The following COL22A1 variants were observed in gnomAD, a reference collection of about 807,000 sequenced individuals.
The protein encoded by COL22A1 is collagen alpha-1(XXII) chain.
A neutral mutation model predicts 248.9 loss-of-function variants in COL22A1; 221 were observed. The observed-to-expected ratio is 0.89, with a 90% CI of 0.80 to 0.99. The LOEUF (loss-of-function observed/expected upper bound fraction) is 0.99. COL22A1 is among the 50% of genes least tolerant of loss of function. COL22A1 has a pLI of 0.00. For missense variants in COL22A1, 2,240 were observed against 2,179.0 expected (o/e 1.03, Z -0.56); for synonymous variants, 891 against 793.4 (o/e 1.12, Z -2.07).
At chr8:138,598,131 T>C (rs75137399) in intron 61 of COL22A1, among the ~76,000 whole-genome samples, 109 of 152,336 alleles carry the variant, frequency 7.2e-4, no homozygotes, top group Non-Finnish European at 1.3e-3. Context: ...GCCTGTGTCA[T>C]GAGATTGTGT....
chr8:138,670,983 A>AG (rs1200948588), intron 41 of COL22A1, among the ~76,000 whole-genome samples: 1 of 148,264 alleles, frequency 6.7e-6, no homozygotes, highest in Admixed American at 6.7e-5. Context: ...AAAAAAAAAA[A>AG]AAAGCCACTG....
intron 41 of COL22A1, among the ~76,000 whole-genome samples, chr8:138,670,688 G>A (rs897753666): frequency 3.9e-5 from 6 of 152,064 alleles, no homozygotes; most frequent in Admixed American, 1.3e-4. Flanking sequence ...GGCTGGGCAC[G>A]GTGGCTCACG....
At chr8:138,901,010 T>G (rs1814511883) in intron 1 of COL22A1, among the ~76,000 whole-genome samples, 1 of 152,184 alleles carries the variant, frequency 6.6e-6, no homozygotes, top group Admixed American at 6.5e-5. Context: ...TTTTGTTGTT[T>G]TATAGTATTC....
intron 10 of COL22A1, among the ~76,000 whole-genome samples, chr8:138,804,941 T>C (rs1431083320): frequency 8.1e-6 from 1 of 123,000 alleles, no homozygotes; most frequent in Non-Finnish European, 1.7e-5. Flanking sequence ...GTGTGTGTGA[T>C]GGTGCATGTG....
intron 62 of COL22A1, among the ~76,000 whole-genome samples, chr8:138,595,620 C>T (rs951813048): frequency 1.3e-5 from 2 of 152,072 alleles, no homozygotes; most frequent in African/African-American, 4.8e-5. Flanking sequence ...AGCCCTTTGC[C>T]CTCATTTCCA....
intron 3 of COL22A1, among the ~76,000 whole-genome samples, chr8:138,868,637 C>T (rs1823080282): frequency 6.6e-6 from 1 of 152,072 alleles, no homozygotes; most frequent in South Asian, 2.1e-4. Context: ...CAGTAAGAGC[C>T]CACACTCAGG....
chr8:138,770,601 G>C (rs538434360), intron 16 of COL22A1, among the ~76,000 whole-genome samples: 2 of 152,382 alleles, frequency 1.3e-5, no homozygotes, highest in African/African-American at 4.8e-5. Flanking sequence ...CAGGCAGCTG[G>C]AAGGGCTTTT....
chr8:138,691,877 G>GTGGT (rs1403095565), intron 35 of COL22A1, among the ~76,000 whole-genome samples: 2 of 106,544 alleles, frequency 1.9e-5, no homozygotes, highest in Non-Finnish European at 2.0e-5. Context: ...CATGTTTGTG[G>GTGGT]AGGTGTATGT....
At chr8:138,788,720 G>A (rs1815762333) in intron 12 of COL22A1, among the ~76,000 whole-genome samples, 1 of 152,136 alleles carries the variant, frequency 6.6e-6, no homozygotes, top group Non-Finnish European at 1.5e-5. Flanking sequence ...TGCTGAGGGC[G>A]CAGAAGACGT....
At position 138,821,311 on chromosome 8, in the gene COL22A1, T is replaced by C. The variant is rs150029935; in HGVS notation, c.1070A>G (p.Asn357Ser). The C allele has an allele frequency of 1.6e-5, 26 of 1,614,042 alleles. No homozygotes were observed. The highest frequency in any genetic ancestry group is 2.2e-5 in the East Asian group (1 of 44,892). The change falls in exon 7 of 65, where the codon AAT (asparagine) becomes AGT (serine). Residue 357 changes from asparagine to serine, a missense_variant. Coordinates refer to ENST00000303045, the MANE Select transcript of COL22A1 (RefSeq NM_152888.3). ...GTGCCAGTCCCGGTCAAAGAGGTCA[T>C]TGACCCGAGAACCTCGGAAGACCAC... is the stretch of plus-strand genomic sequence containing the variant. ...VRVVFRGSRV[N>S]DLFDRDWHKM...
chr8:138,755,484 G>C lies in COL22A1; in HGVS notation c.1975C>G (p.Gln659Glu). The change falls in exon 20 of 65, where the codon CAG becomes GAG. Residue 659 changes from glutamine to glutamate, a missense_variant and splice_region_variant. Transcript: ENST00000303045. ...VVQQEGLKGE[Q>E]GAPGPRGHQG... ...AAGAAGACGCGTGTGCCTCTTACCT[G>C]TTCCCCTTTCAAGCCCTCTTGCTGC... is the stretch of plus-strand genomic sequence containing the variant. The C allele has an allele frequency of 1.2e-6, 2 of 1,613,872 alleles. No homozygotes were observed. The highest frequency in any genetic ancestry group is 3.3e-5 in the Admixed American group (2 of 60,008).
chr8:138,609,349 G>A (rs1362872102), intron 56 of COL22A1, among the ~76,000 whole-genome samples: 1 of 152,170 alleles, frequency 6.6e-6, no homozygotes, highest in Non-Finnish European at 1.5e-5. Flanking sequence ...ATGCCTTATG[G>A]GTCAGCGATC....
intron 3 of COL22A1, among the ~76,000 whole-genome samples, chr8:138,852,472 A>G (rs1039064224): frequency 6.6e-6 from 1 of 152,180 alleles, no homozygotes; most frequent in East Asian, 1.9e-4. Context: ...AATGGTGGAC[A>G]TTTTCCATCT....
intron 9 of COL22A1, 104 bp downstream of exon 9, chr8:138,811,695 G>A (rs911738216): frequency 7.4e-7 from 1 of 1,352,180 alleles, no homozygotes; most frequent in Non-Finnish European, 1.1e-6. Flanking sequence ...ACAGCCATGG[G>A]CCTCCTGGTG....
chr8:138,616,043 A>C lies in COL22A1; in HGVS notation c.3882T>G (p.Gly1294=), dbSNP rs1263517492. ...CTTCCTGACCAGGAAGCCCCATGGC[A>C]CCAGACTCTCCCTAGGAACAAAAAA... is the stretch of plus-strand genomic sequence containing the variant. ...SGAPGPRGES[G]AMGLPGQEGL... is the part of the protein sequence containing the mutation. The change falls in exon 55 of 65, where the codon GGT becomes GGG. Residue 1294 remains glycine (G), a synonymous_variant. Transcript: ENST00000303045. The C allele has an allele frequency of 6.2e-7, 1 of 1,613,414 alleles. No homozygotes were observed.
intron 12 of COL22A1, among the ~76,000 whole-genome samples, chr8:138,783,433 G>A (rs764593354): frequency 3.9e-5 from 6 of 152,116 alleles, no homozygotes; most frequent in Non-Finnish European, 8.8e-5. Context: ...GTGTTCCAGG[G>A]CAGGGAGCAT....
intron 22 of COL22A1, among the ~76,000 whole-genome samples, chr8:138,751,209 C>T (rs1190631719): frequency 1.3e-5 from 2 of 152,188 alleles, no homozygotes; most frequent in Non-Finnish European, 2.9e-5. Context: ...CCAATGGATT[C>T]ATGTCTCTCT....
chr8:138,859,096 C>G (rs73368835), intron 3 of COL22A1, among the ~76,000 whole-genome samples: 2,386 of 152,322 alleles, frequency 0.016, 64 homozygotes, highest in African/African-American at 0.053. Context: ...TATCCTGCCT[C>G]TTTTAGTCTG....
intron 13 of COL22A1, 71 bp from the exon 14 acceptor site, chr8:138,779,633 G>T: frequency 9.8e-7 from 1 of 1,020,972 alleles, no homozygotes; most frequent in South Asian, 1.3e-5. Context: ...GAAGCCCACA[G>T]TCTCCCAGGG....
Sources: gnomAD v4.1 joint callset for allele counts (sites outside exome capture counted in the v4.1 genomes callset) on GRCh38, gnomAD v4.1.1 for gene constraint, MANE v1.5 for transcripts, NCBI Gene and HGNC (gene_info 2026-07-23, HGNC 2026-07-21) for gene names.